The following KYNU variants were observed in gnomAD, a reference collection of about 807,000 sequenced individuals.
The protein encoded by KYNU is L-kynurenine hydrolase.
A neutral mutation model predicts 59.2 loss-of-function variants in KYNU; 54 were observed. That is an observed-to-expected ratio of 0.91 (90% CI 0.73 to 1.14). KYNU has a LOEUF of 1.14. Among genes scored for constraint, KYNU ranks in the 50% most tolerant of loss-of-function variants. The probability of loss-of-function intolerance (pLI) is 0.00; values close to 1 mark genes in which losing one functional copy is unlikely to be tolerated. For synonymous variants in KYNU, 177 were observed against 192.0 expected, an observed-to-expected ratio of 0.92 and a Z score of 0.65; for missense variants, 567 against 554.4, an observed-to-expected ratio of 1.02 and a Z score of -0.23.
intron 10 of KYNU, among the ~76,000 whole-genome samples, chr2:142,987,723 T>G (rs1685258614): frequency 6.6e-6 from 1 of 151,874 alleles, no homozygotes; most frequent in Admixed American, 6.6e-5. Context: ...ACTAAGTGTA[T>G]CACTTGAACA....
intron 4 of KYNU, among the ~76,000 whole-genome samples, chr2:142,935,920 A>G (rs1448051853): frequency 1.3e-5 from 2 of 152,148 alleles, no homozygotes; most frequent in Non-Finnish European, 2.9e-5. Context: ...AGTACAGGCA[A>G]TGCTAGAATT....
Position 143,047,462 on chromosome 2 carries a change from G to A in KYNU, c.*5290G>A, listed in dbSNP as rs191674616. The A allele has an allele frequency of 6.6e-6, 1 of 152,044 alleles. No homozygotes were observed. The highest frequency in any genetic ancestry group is 1.5e-5 in the Non-Finnish European group (1 of 67,986). 9.4% of individuals were successfully genotyped at this position (152,044 alleles called of 1,614,324 possible). A position where few individuals can be genotyped will look rare whatever the true frequency, so the allele number is the denominator to read the frequency against. ...TCAATTGGTATCTATTTTTAATATG[G>A]GAAATTTTATGCAAATGAGCACATT... On this transcript the variant is annotated 3_prime_UTR_variant, in exon 14 of 14. Transcript: ENST00000264170.
chr2:142,886,925 C>T (rs1407864259), intron 2 of KYNU, among the ~76,000 whole-genome samples: 2 of 152,078 alleles, frequency 1.3e-5, no homozygotes, highest in East Asian at 3.9e-4. Context: ...AATCCCAGCA[C>T]TTTGGGAGGC....
At chr2:142,900,614 T>G (rs1336203926) in intron 2 of KYNU, among the ~76,000 whole-genome samples, 2 of 152,192 alleles carry the variant, frequency 1.3e-5, no homozygotes, top group Non-Finnish European at 2.9e-5. Flanking sequence ...TAAAGATGGA[T>G]GCGGTCACCT....
At chr2:142,911,088 AT>A (rs1682465724) in intron 2 of KYNU, among the ~76,000 whole-genome samples, 1 of 152,164 alleles carries the variant, frequency 6.6e-6, no homozygotes, top group Non-Finnish European at 1.5e-5. Context: ...AGATTTTTCT[AT>A]TTCTGTGAGA....
At chr2:142,885,216 G>A in intron 1 of KYNU, 133 bp from the exon 2 acceptor site, 2 of 701,852 alleles carry the variant, frequency 2.8e-6, no homozygotes, top group Non-Finnish European at 5.0e-6. Flanking sequence ...GTTTAATGCT[G>A]GTTGGTTAAG....
chr2:143,006,815 G>C (rs1330607597), intron 10 of KYNU, among the ~76,000 whole-genome samples: 1 of 151,918 alleles, frequency 6.6e-6, no homozygotes, highest in African/African-American at 2.4e-5. Flanking sequence ...TCACACGGCA[G>C]GGTATTCCAA....
intron 2 of KYNU, among the ~76,000 whole-genome samples, chr2:142,902,329 G>A (rs925133433): frequency 2.0e-5 from 3 of 152,178 alleles, no homozygotes; most frequent in East Asian, 1.9e-4. Flanking sequence ...GTCTTGCCCC[G>A]TTGGTAAGCT....
At chr2:142,989,506 C>T (rs1685326991) in intron 10 of KYNU, 6 of 984,032 alleles carry the variant, frequency 6.1e-6, no homozygotes, top group Non-Finnish European at 7.2e-6. Context: ...AGTGGCTAAA[C>T]ATGTTATTTC....
intron 4 of KYNU, among the ~76,000 whole-genome samples, chr2:142,930,974 C>A (rs1256243526): frequency 6.6e-6 from 1 of 152,184 alleles, no homozygotes; most frequent in Admixed American, 6.5e-5. Flanking sequence ...CAAGTGAGGA[C>A]AAGACAAAGG....
rs1268370251 is a variant in KYNU at position 142,968,850 on chromosome 2, CTGCAATGA to C, written c.729+8081_729+8088del. On this transcript the variant is annotated intron_variant, in intron 8 of 13. Transcript: ENST00000264170. Reference sequence around the variant, plus strand: ...ATCACTTGAGCTCAGGAGGTGGAGGCTGCAATGAACCAAGATCACACCATTGCACTCCA... The same window carrying C: ...ATCACTTGAGCTCAGGAGGTGGAGGCACCAAGATCACACCATTGCACTCCA... 2.4e-4 allele frequency among the ~76,000 whole-genome samples: 37 copies of C among 152,102 alleles called. 1 individual carries two copies. The highest frequency in any genetic ancestry group is 8.4e-4 in the African/African-American group (35 of 41,488).
intron 10 of KYNU, among the ~76,000 whole-genome samples, chr2:142,998,506 G>T (rs1269075477): frequency 6.6e-6 from 1 of 151,932 alleles, no homozygotes; most frequent in South Asian, 2.1e-4. Context: ...TTCTTTATTT[G>T]CTTTTTAAAA....
rs908228777 is a variant in KYNU, at chr2:142,919,087, G to T, written c.290+358G>T. ...AAGTCTGTACATGTTTAGTATATAT[G>T]CAGCCATCCATTTTTTTCCCCAAAT... On this transcript the variant is annotated intron_variant, in intron 3 of 13. Coordinates refer to ENST00000264170, the MANE Select transcript of KYNU (RefSeq NM_003937.3). Among the ~76,000 whole-genome samples, 5 of 152,200 alleles carry T rather than the reference G, an allele frequency of 3.3e-5. No individual in the cohort carries two copies. The East Asian group carries it at 9.6e-4, about 29-fold the overall frequency.
rs545071084 is a variant in KYNU, at chr2:143,006,080, G to A, written c.902+20059G>A. Among the ~76,000 whole-genome samples the A allele has an allele frequency of 9.2e-4, 140 of 152,226 alleles. No homozygotes were observed. In the East Asian group the frequency reaches 0.014, roughly 16 times the overall value. ...AAGATGGCCGAATAGGAACAGCTCC[G>A]GTCTACAGCTCCCAGCATGAGCAAC... is the stretch of plus-strand genomic sequence containing the variant. On this transcript the variant is annotated intron_variant, in intron 10 of 13. Coordinates refer to ENST00000264170, the MANE Select transcript of KYNU (RefSeq NM_003937.3).
intron 6 of KYNU, among the ~76,000 whole-genome samples, chr2:142,957,282 G>T (rs1558943480): frequency 6.6e-6 from 1 of 151,948 alleles, no homozygotes; most frequent in East Asian, 1.9e-4. Flanking sequence ...TCTTCCTAGG[G>T]TAAGCCATTT....
At chr2:143,015,468 T>G (rs1573902303) in intron 10 of KYNU, among the ~76,000 whole-genome samples, 4 of 152,234 alleles carry the variant, frequency 2.6e-5, no homozygotes, top group African/African-American at 9.6e-5. Context: ...TGTCAATGCA[T>G]ACAACTGAAA....
intron 4 of KYNU, among the ~76,000 whole-genome samples, chr2:142,936,030 AGGCG>A (rs1683380884): frequency 2.0e-5 from 3 of 152,172 alleles, no homozygotes; most frequent in Non-Finnish European, 4.4e-5. Flanking sequence ...GGGTTAAAGA[AGGCG>A]ATTGAGAGAA....
At chr2:142,984,206 G>T (rs1685132550) in intron 8 of KYNU, among the ~76,000 whole-genome samples, 1 of 151,834 alleles carries the variant, frequency 6.6e-6, no homozygotes, top group African/African-American at 2.4e-5. Flanking sequence ...GAAAATATTG[G>T]TTCATTGAAT....
chr2:142,893,730 C>T (rs1392054031), intron 2 of KYNU, among the ~76,000 whole-genome samples: 1 of 152,112 alleles, frequency 6.6e-6, no homozygotes, highest in East Asian at 1.9e-4. Flanking sequence ...AGAGTGCATG[C>T]TGGATCTGTT....
Sources: allele counts gnomAD v4.1 joint callset (sites outside exome capture counted in the v4.1 genomes callset), GRCh38; gene constraint gnomAD v4.1.1; transcripts MANE v1.5; gene names NCBI Gene and HGNC (gene_info 2026-07-23, HGNC 2026-07-21).